Variants in PTGR3 observed in about 807,000 individuals in gnomAD.
PTGR3 encodes the protein zinc binding alcohol dehydrogenase domain containing 2.
At chr18:75,197,040 CTTT>C in the PTGR3 span, 1 of 150,434 alleles carries the variant, frequency 6.6e-6, no homozygotes, top group Non-Finnish European at 1.5e-5. Context: ...TTTTGTGTAA[CTTT>C]TTTTTTTCTT....
chr18:75,202,170 C>G, the PTGR3 span: 1 of 1,613,988 alleles, frequency 6.2e-7, no homozygotes, highest in African/African-American at 1.3e-5. Context: ...AGCAAAAGAA[C>G]CAGGTGCCAT....
the PTGR3 span, chr18:75,199,989 T>C: frequency 6.6e-6 from 1 of 152,616 alleles, no homozygotes; most frequent in Non-Finnish European, 1.5e-5. Flanking sequence ...TAACAGCTAT[T>C]CAGCAGTAGG....
the PTGR3 span, among the ~76,000 whole-genome samples, chr18:75,207,858 G>T: frequency 6.6e-6 from 1 of 152,168 alleles, no homozygotes; most frequent in Non-Finnish European, 1.5e-5. Flanking sequence ...GTTACAGTCA[G>T]AACTTACTCC....
chr18:75,202,299 C>T, the PTGR3 span: 2 of 1,613,922 alleles, frequency 1.2e-6, no homozygotes, highest in Non-Finnish European at 1.7e-6. Context: ...GTCATAGCGG[C>T]CTGCTGAATA....
the PTGR3 span, chr18:75,195,147 A>G: frequency 6.6e-6 from 1 of 152,256 alleles, no homozygotes; most frequent in Non-Finnish European, 1.5e-5. Context: ...TTGTAAGAAC[A>G]CATTCACAGG....
At chr18:75,195,868 C>T in the PTGR3 span, 2 of 151,818 alleles carry the variant, frequency 1.3e-5, no homozygotes, top group African/African-American at 2.4e-5. Flanking sequence ...GAACTGAGAT[C>T]ACGCTACTGT....
chr18:75,208,252 CAG>C, the PTGR3 span: 3 of 914,884 alleles, frequency 3.3e-6, no homozygotes, highest in Non-Finnish European at 3.9e-6. Flanking sequence ...CGTTAACACT[CAG>C]GGGACAGACA....
At chr18:75,202,223 G>T in the PTGR3 span, 1 of 1,614,164 alleles carries the variant, frequency 6.2e-7, no homozygotes, top group East Asian at 2.2e-5. Flanking sequence ...CACTAGCAGA[G>T]AGGCCTAGGG....
chr18:75,202,025 T>G, the PTGR3 span: 1 of 1,614,132 alleles, frequency 6.2e-7, no homozygotes, highest in Middle Eastern at 1.6e-4. Flanking sequence ...TCACCAAAAC[T>G]TTTTTCCCTT....
the PTGR3 span, chr18:75,201,342 AAATT>A: frequency 7.6e-7 from 1 of 1,321,520 alleles, no homozygotes; most frequent in Non-Finnish European, 1.0e-6. Context: ...AACTAAAAAT[AAATT>A]GATTTGAGTA....
chr18:75,205,132 C>T, the PTGR3 span: 2 of 984,312 alleles, frequency 2.0e-6, no homozygotes, highest in African/African-American at 1.7e-5. Context: ...TGCTTTGACG[C>T]GGCTTCGCCC....
the PTGR3 span, chr18:75,205,568 C>G: frequency 1.2e-6 from 1 of 846,892 alleles, no homozygotes; most frequent in Non-Finnish European, 1.4e-6. Flanking sequence ...TAAACCCCCT[C>G]GTCATGTTTA....
chr18:75,204,312 T>A, the PTGR3 span, among the ~76,000 whole-genome samples: 1 of 152,134 alleles, frequency 6.6e-6, no homozygotes, highest in Non-Finnish European at 1.5e-5. Flanking sequence ...GGTGGAGAGA[T>A]GGAGCAGGAC....
chr18:75,202,816 T>G, the PTGR3 span, among the ~76,000 whole-genome samples: 1 of 152,182 alleles, frequency 6.6e-6, no homozygotes, highest in Non-Finnish European at 1.5e-5. Context: ...TTCAAAGAAG[T>G]AGACTTGTAT....
the PTGR3 span, among the ~76,000 whole-genome samples, chr18:75,203,921 T>G: frequency 6.6e-6 from 1 of 152,222 alleles, no homozygotes; most frequent in African/African-American, 2.4e-5. Context: ...CCCGTCTCAG[T>G]GCCTCTGCCT....
the PTGR3 span, among the ~76,000 whole-genome samples, chr18:75,206,077 TTCTAAGGAC>T: frequency 6.6e-6 from 1 of 152,224 alleles, no homozygotes; most frequent in Non-Finnish European, 1.5e-5. Context: ...TCTTTTTCTT[TTCTAAGGAC>T]TGAGCATAGA....
the PTGR3 span, chr18:75,201,615 T>C: frequency 5.6e-6 from 9 of 1,614,190 alleles, no homozygotes; most frequent in South Asian, 1.1e-5. Flanking sequence ...GGCTGCTTGA[T>C]ACTTAGAAAG....
At chr18:75,206,158 C>T in the PTGR3 span, among the ~76,000 whole-genome samples, 1 of 152,078 alleles carries the variant, frequency 6.6e-6, no homozygotes, top group Non-Finnish European at 1.5e-5. Context: ...GGATAAAGGA[C>T]CATCAATTAT....
At chr18:75,206,644 G>A in the PTGR3 span, among the ~76,000 whole-genome samples, 4 of 152,312 alleles carry the variant, frequency 2.6e-5, no homozygotes, top group African/African-American at 9.6e-5. Flanking sequence ...TAGGGAAAGC[G>A]GGAGGCAAAG....
Sources: gnomAD v4.1 joint callset for allele counts (sites outside exome capture counted in the v4.1 genomes callset) on GRCh38, gnomAD v4.1.1 for gene constraint, MANE v1.5 for transcripts, NCBI Gene and HGNC (gene_info 2026-07-23, HGNC 2026-07-21) for gene names.